TM9SF3: variants seen among roughly 807,000 people sequenced by gnomAD.
TM9SF3 encodes the protein transmembrane 9 superfamily member 3, also known as SM-11044-binding protein.
Under a neutral mutation model 78.6 loss-of-function variants are expected in TM9SF3, and 14 were observed. The ratio of observed to expected loss-of-function variants is 0.18; its 90% confidence interval spans 0.12 to 0.28. The LOEUF (loss-of-function observed/expected upper bound fraction) is 0.28, where lower values mean the gene tolerates loss of function less well. Ranked by LOEUF, TM9SF3 falls within the 10% of genes least tolerant of loss-of-function variation. The pLI is 1.00. For synonymous variants in TM9SF3, 231 were observed against 241.7 expected (o/e 0.96, Z 0.41); for missense variants, 496 against 721.9 (o/e 0.69, Z 3.59).
intron 9 of TM9SF3, among the ~76,000 whole-genome samples, chr10:96,537,693 G>A (rs949075255): frequency 3.9e-5 from 6 of 152,160 alleles, no homozygotes; most frequent in African/African-American, 4.8e-5. Flanking sequence ...TTAGCTGGGC[G>A]TGGTGACGTG....
intron 10 of TM9SF3, among the ~76,000 whole-genome samples, chr10:96,530,946 C>T (rs558967011): frequency 6.6e-6 from 1 of 152,162 alleles, no homozygotes; most frequent in Non-Finnish European, 1.5e-5. Context: ...GGCATTTATT[C>T]ACAAAAAGCC....
intron 2 of TM9SF3, among the ~76,000 whole-genome samples, chr10:96,568,092 G>A (rs1188805717): frequency 2.0e-5 from 3 of 152,244 alleles, no homozygotes; most frequent in African/African-American, 7.2e-5. Flanking sequence ...TAAAAAGGGT[G>A]TTGGTTGGTC....
At chr10:96,527,884 C>T (rs774600530) in intron 12 of TM9SF3, 147 bp downstream of exon 12, 1 of 753,272 alleles carries the variant, frequency 1.3e-6, no homozygotes, top group Non-Finnish European at 2.0e-6. Flanking sequence ...AAATATGTAT[C>T]ATTTTTATAA....
At position 96,551,262 on chromosome 10, in the gene TM9SF3, T is replaced by A; in HGVS notation, c.942A>T (p.Ile314=). ...GCACTTACTCAGTATATAAATCTTCTATCATTGCAACAATAATAACGATGA... is the reference window on the plus strand; with the variant it reads ...GCACTTACTCAGTATATAAATCTTCAATCATTGCAACAATAATAACGATGA... ...VSLIVIIVAM[I]EDLYTERGSM... Residue 314 remains isoleucine, a synonymous_variant, in exon 7 of 15, where the codon ATA becomes ATT. Coordinates refer to ENST00000371142, the MANE Select transcript of TM9SF3 (RefSeq NM_020123.4). 1 of 1,611,592 alleles carries A rather than the reference T, an allele frequency of 6.2e-7. No homozygotes were observed. The highest frequency in any genetic ancestry group is 8.5e-7 in the Non-Finnish European group (1 of 1,179,346).
rs1490262797 is a variant in TM9SF3 at position 96,558,503 on chromosome 10, G to A, written c.660+1156C>T. ...ACTAAAAAAAATACAAAAATTAGCC[G>A]GGCATGATGGTGTGTGCCTGTAATC... On this transcript the variant is annotated intron_variant, in intron 5 of 14. Transcript: ENST00000371142. Among the ~76,000 whole-genome samples the A allele has an allele frequency of 4.6e-5, 7 of 152,026 alleles. No homozygotes were observed. In the East Asian group the frequency reaches 7.7e-4, roughly 17 times the overall value.
chr10:96,549,403 T>C (rs1213299122), intron 7 of TM9SF3, among the ~76,000 whole-genome samples: 2 of 152,198 alleles, frequency 1.3e-5, no homozygotes, highest in Non-Finnish European at 2.9e-5. Flanking sequence ...AGTTCTGGAA[T>C]AAGATTGCCT....
chr10:96,524,271 A>G (rs1211196288), intron 14 of TM9SF3, among the ~76,000 whole-genome samples: 1 of 151,946 alleles, frequency 6.6e-6, no homozygotes, highest in Non-Finnish European at 1.5e-5. Context: ...GGAAATAACA[A>G]TATTACATTT....
intron 9 of TM9SF3, among the ~76,000 whole-genome samples, chr10:96,535,289 G>C (rs944931085): frequency 4.6e-5 from 7 of 152,066 alleles, no homozygotes; most frequent in Non-Finnish European, 4.4e-5. Context: ...TCTGGATGAA[G>C]TTACTTGAAA....
At chr10:96,555,974 C>A (rs953182475) in intron 5 of TM9SF3, among the ~76,000 whole-genome samples, 2 of 152,060 alleles carry the variant, frequency 1.3e-5, no homozygotes, top group Non-Finnish European at 2.9e-5. Flanking sequence ...ATTAGACACA[C>A]ATAAAATGTT....
intron 9 of TM9SF3, among the ~76,000 whole-genome samples, chr10:96,533,840 G>A (rs1323702307): frequency 6.6e-6 from 1 of 152,158 alleles, no homozygotes; most frequent in African/African-American, 2.4e-5. Context: ...AAATTACAGA[G>A]AAGACCATAC....
intron 1 of TM9SF3, among the ~76,000 whole-genome samples, chr10:96,586,088 T>C (rs1848625448): frequency 1.3e-5 from 2 of 152,278 alleles, no homozygotes; most frequent in South Asian, 4.1e-4. Context: ...ACTTAGGGGC[T>C]GGAAGGTGAG....
intron 11 of TM9SF3, among the ~76,000 whole-genome samples, chr10:96,528,997 A>G (rs1847867721): frequency 6.6e-6 from 1 of 152,156 alleles, no homozygotes; most frequent in Non-Finnish European, 1.5e-5. Context: ...AAAACAGAAG[A>G]TAAGTTGAAG....
intron 9 of TM9SF3, 115 bp from the exon 10 acceptor site, chr10:96,533,305 A>ATT (rs775979542): frequency 4.9e-5 from 63 of 1,280,752 alleles, no homozygotes; most frequent in Non-Finnish European, 6.3e-5. Context: ...TTTAAGTTCA[A>ATT]TATGAGCTAA....
At chr10:96,530,455 C>A in intron 11 of TM9SF3, 85 bp downstream of exon 11, 1 of 1,104,332 alleles carries the variant, frequency 9.1e-7, no homozygotes, top group East Asian at 2.6e-5. Context: ...GTTCTCCCAA[C>A]TGATAACTTT....
chr10:96,549,524 A>G (rs1010015358), intron 7 of TM9SF3, among the ~76,000 whole-genome samples: 3 of 152,132 alleles, frequency 2.0e-5, no homozygotes, highest in Non-Finnish European at 4.4e-5. Flanking sequence ...TGGAAATAGA[A>G]TATTTCCTTC....
chr10:96,563,667 C>G (rs11188830), intron 3 of TM9SF3, among the ~76,000 whole-genome samples: 1 of 152,174 alleles, frequency 6.6e-6, no homozygotes, highest in Non-Finnish European at 1.5e-5. Flanking sequence ...CGTGAGCCAC[C>G]GCGCCCAGCC....
intron 11 of TM9SF3, among the ~76,000 whole-genome samples, chr10:96,528,393 C>G (rs1004217904): frequency 6.6e-6 from 1 of 151,978 alleles, no homozygotes; most frequent in Non-Finnish European, 1.5e-5. Flanking sequence ...AAAACAGATT[C>G]TTCAGTAGGG....
chr10:96,563,648 G>C (rs1001501356), intron 3 of TM9SF3, among the ~76,000 whole-genome samples: 29 of 151,502 alleles, frequency 1.9e-4, no homozygotes, highest in African/African-American at 6.8e-4. Flanking sequence ...AAAGTGCTGG[G>C]ATTACAGGCG....
rs987787074 is a variant in TM9SF3 at position 96,528,515 on chromosome 10, A to G, written c.1395-338T>C. ...TATTTGTATCCATATTGTTTTGTAG[A>G]TACAACACAATTCAAGCAATGTAGT... On this transcript the variant is annotated intron_variant, in intron 11 of 14. Transcript: ENST00000371142. Among the ~76,000 whole-genome samples the G allele has an allele frequency of 1.3e-5, 2 of 152,156 alleles. 1 individual carries two copies. The highest frequency in any genetic ancestry group is 2.9e-5 in the Non-Finnish European group (2 of 68,006).
Sources: allele counts gnomAD v4.1 joint callset (sites outside exome capture counted in the v4.1 genomes callset), GRCh38; gene constraint gnomAD v4.1.1; transcripts MANE v1.5; gene names NCBI Gene and HGNC (gene_info 2026-07-23, HGNC 2026-07-21).